The following TNFRSF13B variants were observed in gnomAD, a reference collection of about 807,000 sequenced individuals.
The protein encoded by TNFRSF13B is TNF receptor superfamily member 13B.
A neutral mutation model predicts 24.0 loss-of-function variants in TNFRSF13B; 34 were observed. The ratio of observed to expected loss-of-function variants is 1.41; its 90% confidence interval spans 1.08 to 1.88. The LOEUF is 1.88. TNFRSF13B is among the 40% of genes most tolerant of loss of function. The pLI, the probability that TNFRSF13B is intolerant of heterozygous loss-of-function variation, is 0.00. For missense variants in TNFRSF13B, 415 were observed against 380.8 expected (o/e 1.09, Z -0.75); for synonymous variants, 173 against 150.3 (o/e 1.15, Z -1.10).
intron 3 of TNFRSF13B, among the ~76,000 whole-genome samples, chr17:16,944,261 A>G (rs1472987798): frequency 1.3e-5 from 2 of 152,176 alleles, no homozygotes; most frequent in Non-Finnish European, 2.9e-5. Context: ...GCACCTGTAC[A>G]TGCTGTTGCC....
At chr17:16,941,929 G>A (rs932003067) in intron 3 of TNFRSF13B, among the ~76,000 whole-genome samples, 11 of 152,114 alleles carry the variant, frequency 7.2e-5, no homozygotes, top group Non-Finnish European at 2.9e-5. Flanking sequence ...ATGTCCTGCC[G>A]TGCTGTGTAT....
At chr17:16,947,578 A>T (rs1567651866) in intron 3 of TNFRSF13B, among the ~76,000 whole-genome samples, 1 of 152,272 alleles carries the variant, frequency 6.6e-6, no homozygotes, top group Non-Finnish European at 1.5e-5. Context: ...ACATGCAAGC[A>T]GCCAACAAAC....
At chr17:16,960,572 T>A (rs577454924) in intron 1 of TNFRSF13B, among the ~76,000 whole-genome samples, 1 of 152,298 alleles carries the variant, frequency 6.6e-6, no homozygotes, top group African/African-American at 2.4e-5. Context: ...TGCAAGAGAA[T>A]GAAATTGAAT....
At chr17:16,951,393 A>T (rs912140987) in intron 2 of TNFRSF13B, among the ~76,000 whole-genome samples, 1 of 152,254 alleles carries the variant, frequency 6.6e-6, no homozygotes, top group African/African-American at 2.4e-5. Context: ...AGTTCTATCA[A>T]GGAAAAGAAC....
intron 3 of TNFRSF13B, among the ~76,000 whole-genome samples, chr17:16,946,541 T>C (rs1161284057): frequency 6.6e-6 from 1 of 151,812 alleles, no homozygotes; most frequent in East Asian, 1.9e-4. Flanking sequence ...GTTTTTTCAT[T>C]TTCTTTACTT....
intron 3 of TNFRSF13B, among the ~76,000 whole-genome samples, chr17:16,942,360 G>A (rs2087517265): frequency 1.3e-5 from 2 of 152,114 alleles, no homozygotes; most frequent in African/African-American, 4.8e-5. Flanking sequence ...CCTCACACAC[G>A]CTTTTAGATT....
Position 16,948,964 on chromosome 17 carries a change from C to T in TNFRSF13B, c.219G>A (p.Lys73=), listed in dbSNP as rs1567652334. 3 of 1,614,160 alleles carry T rather than the reference C, an allele frequency of 1.9e-6. No homozygotes were observed. Among genetic ancestry groups the T allele is most frequent in the South Asian group, 1.1e-5 (1 of 91,072 alleles). Residue 73 remains lysine, a synonymous_variant, in exon 3 of 5, where the codon AAG becomes AAA. Transcript: ENST00000261652. ...GATGGTCATAGAACTTGCCTTGCTC[C>T]TTGCGGCAGCTGAGTGACCCTGGGA... The part of the protein sequence containing the change: ...AAFCRSLSCR[K]EQGKFYDHLL...
At chr17:16,941,794 T>G (rs1003182897) in intron 3 of TNFRSF13B, among the ~76,000 whole-genome samples, 6 of 152,150 alleles carry the variant, frequency 3.9e-5, no homozygotes, top group African/African-American at 1.4e-4. Flanking sequence ...CCCTGGCAAC[T>G]GTTCATCTCT....
At chr17:16,945,456 A>G (rs2087541173) in intron 3 of TNFRSF13B, among the ~76,000 whole-genome samples, 1 of 152,216 alleles carries the variant, frequency 6.6e-6, no homozygotes, top group Admixed American at 6.5e-5. Flanking sequence ...CTCAAATCCC[A>G]GCTCACTCAC....
At chr17:16,947,296 A>G (rs2087556453) in intron 3 of TNFRSF13B, among the ~76,000 whole-genome samples, 1 of 152,258 alleles carries the variant, frequency 6.6e-6, no homozygotes, top group Non-Finnish European at 1.5e-5. Flanking sequence ...GCCCTGGGAA[A>G]GAATTTATGA....
intron 1 of TNFRSF13B, among the ~76,000 whole-genome samples, chr17:16,954,179 G>C (rs537539600): frequency 6.6e-6 from 1 of 152,190 alleles, no homozygotes; most frequent in East Asian, 1.9e-4. Context: ...AGGATTTCTT[G>C]AGGCCAGGAG....
At chr17:16,947,201 T>C (rs2087555770) in intron 3 of TNFRSF13B, among the ~76,000 whole-genome samples, 1 of 152,100 alleles carries the variant, frequency 6.6e-6, no homozygotes, top group South Asian at 2.1e-4. Flanking sequence ...GGAACATAGA[T>C]GCAAGATGGA....
chr17:16,956,741 C>T (rs1313697311), intron 1 of TNFRSF13B, among the ~76,000 whole-genome samples: 1 of 152,178 alleles, frequency 6.6e-6, no homozygotes, highest in East Asian at 1.9e-4. Context: ...ATGCATATTA[C>T]TAAGTGAGAG....
intron 2 of TNFRSF13B, among the ~76,000 whole-genome samples, chr17:16,952,057 T>A (rs1354975681): frequency 6.6e-6 from 1 of 152,060 alleles, no homozygotes; most frequent in Non-Finnish European, 1.5e-5. Flanking sequence ...ATAAGTTCTG[T>A]AATAAAAAGT....
At chr17:16,966,525 A>T (rs1375873911) in intron 1 of TNFRSF13B, among the ~76,000 whole-genome samples, 2 of 152,234 alleles carry the variant, frequency 1.3e-5, no homozygotes, top group East Asian at 3.8e-4. Flanking sequence ...AACTACACTG[A>T]TACCATATTC....
At chr17:16,948,159 G>A (rs182418086) in intron 3 of TNFRSF13B, among the ~76,000 whole-genome samples, 90 of 152,254 alleles carry the variant, frequency 5.9e-4, no homozygotes, top group Non-Finnish European at 1.1e-3. Flanking sequence ...CATAAAGACA[G>A]GAACAACAGA....
At position 16,939,451 on chromosome 17, in the gene TNFRSF13B, C is replaced by T; in HGVS notation, c.*96G>A. On this transcript the variant is annotated 3_prime_UTR_variant, in exon 5 of 5. Coordinates refer to ENST00000261652, the MANE Select transcript of TNFRSF13B (RefSeq NM_012452.3). Reference sequence around the variant, plus strand: ...CTCTCCCTCTCTGCCTCCTCTGTCTCTCTCTCCTCATATCTCTCTCCCCTC... The same window carrying T: ...CTCTCCCTCTCTGCCTCCTCTGTCTTTCTCTCCTCATATCTCTCTCCCCTC... 1 of 1,391,764 alleles carries T rather than the reference C, an allele frequency of 7.2e-7. No individual in the cohort carries two copies. Among genetic ancestry groups the T allele is most frequent in the Non-Finnish European group, 9.7e-7 (1 of 1,028,820 alleles). The allele number at this position is 1,391,764 out of a possible 1,614,324, so 86.2% of individuals were successfully genotyped here.
At chr17:16,960,412 A>G (rs2087654067) in intron 1 of TNFRSF13B, among the ~76,000 whole-genome samples, 1 of 152,204 alleles carries the variant, frequency 6.6e-6, no homozygotes, top group South Asian at 2.1e-4. Flanking sequence ...AGAAAAAGAA[A>G]TAGAAGTATC....
Position 16,939,198 on chromosome 17 carries a change from G to A in TNFRSF13B, c.*349C>T, listed in dbSNP as rs562213676. 32 of 241,100 alleles carry A rather than the reference G, an allele frequency of 1.3e-4. No homozygotes were observed. Among genetic ancestry groups the A allele is most frequent in the African/African-American group, 6.3e-4 (28 of 44,356 alleles). The allele number at this position is 241,100 out of a possible 1,614,324, so 14.9% of individuals were successfully genotyped here. A position where few individuals can be genotyped will look rare whatever the true frequency, so the allele number is the denominator to read the frequency against. Reference sequence around the variant, plus strand: ...TGTGGTTAGGTGATGACGACCTACAGCTGCACTGGGAACTGGGACTCAGAG... The same window carrying A: ...TGTGGTTAGGTGATGACGACCTACAACTGCACTGGGAACTGGGACTCAGAG... On this transcript the variant is annotated 3_prime_UTR_variant, in exon 5 of 5. Coordinates refer to ENST00000261652, the MANE Select transcript of TNFRSF13B (RefSeq NM_012452.3).
Sources: allele counts gnomAD v4.1 joint callset (sites outside exome capture counted in the v4.1 genomes callset), GRCh38; gene constraint gnomAD v4.1.1; transcripts MANE v1.5; gene names NCBI Gene and HGNC (gene_info 2026-07-23, HGNC 2026-07-21).